Variants in TRPM7 observed in about 807,000 individuals in gnomAD.
TRPM7 encodes transient receptor potential cation channel subfamily M member 7.
TRPM7 carries 134 observed loss-of-function variants against 229.7 expected under a neutral mutation model. The observed-to-expected ratio is 0.58, with a 90% CI of 0.51 to 0.67. The LOEUF is 0.67. Among genes scored for constraint, TRPM7 ranks in the 30% least tolerant of loss-of-function variants. The probability of loss-of-function intolerance (pLI) is 0.00; values close to 1 mark genes in which losing one functional copy is unlikely to be tolerated. For missense variants in TRPM7, 1,901 were observed against 2,210.0 expected (o/e 0.86, Z 2.80); for synonymous variants, 699 against 715.2 (o/e 0.98, Z 0.36).
chr15:50,574,208 T>C, intron 36 of TRPM7, 66 bp downstream of exon 36: 1 of 1,252,906 alleles, frequency 8.0e-7, no homozygotes, highest in South Asian at 1.3e-5. Flanking sequence ...GCAGATTCTG[T>C]ATAACATATG....
Position 50,628,131 on chromosome 15 carries a change from T to C in TRPM7, c.1305+18A>G, listed in dbSNP as rs757264519. ...TAGTGTAATTTAATTGTATTGTGTA[T>C]GTAGATTATTTACATACCAGCCACT... On this transcript the variant is annotated intron_variant, in intron 11 of 38. Transcript: ENST00000646667. The C allele has an allele frequency of 1.3e-6, 2 of 1,530,206 alleles. No individual in the cohort carries two copies. The highest frequency in any genetic ancestry group is 1.7e-5 in the Admixed American group (1 of 58,842). The allele number at this position is 1,530,206 out of a possible 1,614,324, so 94.8% of individuals were successfully genotyped here.
intron 13 of TRPM7, among the ~76,000 whole-genome samples, chr15:50,614,764 A>C (rs1214606872): frequency 1.3e-5 from 2 of 152,078 alleles, no homozygotes; most frequent in Non-Finnish European, 2.9e-5. Context: ...TCCTCTGTAA[A>C]AATATGGGAT....
intron 13 of TRPM7, among the ~76,000 whole-genome samples, chr15:50,615,162 T>C (rs2060186154): frequency 2.3e-5 from 1 of 44,160 alleles, no homozygotes; most frequent in East Asian, 6.2e-4. Flanking sequence ...AGACTTTGTC[T>C]CAAAAAAAAA....
At chr15:50,679,522 A>ATTATATATATGTG (rs2062189392) in intron 1 of TRPM7, among the ~76,000 whole-genome samples, 7 of 23,316 alleles carry the variant, frequency 3.0e-4, no homozygotes, top group African/African-American at 9.6e-4. Flanking sequence ...ATATATATAT[A>ATTATATATATGTG]TATATATATA....
intron 28 of TRPM7, among the ~76,000 whole-genome samples, chr15:50,583,533 A>G (rs1198897974): frequency 1.3e-5 from 2 of 151,408 alleles, no homozygotes; most frequent in East Asian, 1.9e-4. Flanking sequence ...AGAGAAACAT[A>G]TATGTCTGGA....
chr15:50,680,482 T>C (rs1464393289), intron 1 of TRPM7, among the ~76,000 whole-genome samples: 2 of 151,504 alleles, frequency 1.3e-5, no homozygotes, highest in Non-Finnish European at 2.9e-5. Flanking sequence ...AGCAGGAGAA[T>C]GGCTTGAACC....
chr15:50,633,540 C>T (rs1018181105), intron 8 of TRPM7, among the ~76,000 whole-genome samples: 4 of 152,128 alleles, frequency 2.6e-5, no homozygotes, highest in African/African-American at 9.7e-5. Flanking sequence ...AAATAATTAT[C>T]CCCTCTCCTT....
intron 1 of TRPM7, among the ~76,000 whole-genome samples, chr15:50,685,486 GAAAA>G (rs2062337183): frequency 6.6e-6 from 1 of 152,116 alleles, no homozygotes; most frequent in African/African-American, 2.4e-5. Context: ...GAATAAGGTG[GAAAA>G]TAGTGAAAGA....
chr15:50,627,097 C>G (rs1368220790), intron 11 of TRPM7, among the ~76,000 whole-genome samples: 1 of 151,034 alleles, frequency 6.6e-6, no homozygotes, highest in Non-Finnish European at 1.5e-5. Flanking sequence ...TTAATCTGCC[C>G]AGCCTCTTAT....
intron 38 of TRPM7, among the ~76,000 whole-genome samples, 169 bp from the exon 39 acceptor site, chr15:50,561,977 C>G (rs1212747046): frequency 6.6e-6 from 1 of 152,144 alleles, no homozygotes; most frequent in Non-Finnish European, 1.5e-5. Context: ...TCACTGCAAC[C>G]TCCACCTCCC....
At chr15:50,618,685 A>G (rs1169119804) in intron 13 of TRPM7, among the ~76,000 whole-genome samples, 1 of 152,188 alleles carries the variant, frequency 6.6e-6, no homozygotes, top group East Asian at 1.9e-4. Context: ...TATGTTATGT[A>G]GCGGTGAAGA....
chr15:50,562,906 C>T (rs2053389671), intron 38 of TRPM7, among the ~76,000 whole-genome samples: 3 of 151,972 alleles, frequency 2.0e-5, no homozygotes, highest in African/African-American at 7.3e-5. Flanking sequence ...TGAGTAAATA[C>T]CTTAATATTG....
intron 26 of TRPM7, 52 bp from the exon 27 acceptor site, chr15:50,589,708 G>A (rs369447819): frequency 9.9e-6 from 12 of 1,218,122 alleles, no homozygotes; most frequent in East Asian, 4.7e-5. Flanking sequence ...TTTCTTCACC[G>A]AAATAATGGC....
At chr15:50,606,732 C>G (rs964008670) in intron 20 of TRPM7, among the ~76,000 whole-genome samples, 5 of 152,028 alleles carry the variant, frequency 3.3e-5, no homozygotes, top group African/African-American at 1.2e-4. Flanking sequence ...CTCCTGACCT[C>G]GAGTGATCCG....
At chr15:50,617,211 C>T (rs2060249261) in intron 13 of TRPM7, among the ~76,000 whole-genome samples, 2 of 151,570 alleles carry the variant, frequency 1.3e-5, no homozygotes, top group Non-Finnish European at 2.9e-5. Context: ...GTGGTGTGCG[C>T]CTGTAGTCCC....
chr15:50,638,182 A>AC (rs1428014785), intron 6 of TRPM7, among the ~76,000 whole-genome samples: 27 of 150,954 alleles, frequency 1.8e-4, no homozygotes, highest in African/African-American at 6.6e-4. Context: ...ACACGGTGAA[A>AC]CCCCGTCTCT....
At chr15:50,638,663 T>C (rs2060994876) in intron 6 of TRPM7, among the ~76,000 whole-genome samples, 1 of 151,698 alleles carries the variant, frequency 6.6e-6, no homozygotes, top group African/African-American at 2.4e-5. Flanking sequence ...GTGATCATTA[T>C]AATTCAGTAA....
chr15:50,650,354 A>ATGAC (rs1172854980), intron 3 of TRPM7, among the ~76,000 whole-genome samples: 2 of 152,096 alleles, frequency 1.3e-5, no homozygotes, highest in Admixed American at 6.6e-5. Context: ...CACAAGGCTT[A>ATGAC]TGACAGGGTC....
intron 16 of TRPM7, among the ~76,000 whole-genome samples, chr15:50,611,889 C>G (rs1216459699): frequency 1.3e-5 from 2 of 152,172 alleles, no homozygotes; most frequent in African/African-American, 2.4e-5. Context: ...TCCAACACTG[C>G]CCCTCTAAGT....
Sources: gnomAD v4.1 joint callset for allele counts (sites outside exome capture counted in the v4.1 genomes callset) on GRCh38, gnomAD v4.1.1 for gene constraint, MANE v1.5 for transcripts, NCBI Gene and HGNC (gene_info 2026-07-23, HGNC 2026-07-21) for gene names.